Variants in EED observed in about 807,000 individuals in gnomAD.
EED encodes polycomb protein EED.
A neutral mutation model predicts 61.0 loss-of-function variants in EED; 9 were observed. That is an observed-to-expected ratio of 0.15 (90% CI 0.09 to 0.26). The LOEUF (loss-of-function observed/expected upper bound fraction) is 0.26, where lower values mean the gene tolerates loss of function less well. Among genes scored for constraint, EED ranks in the 10% least tolerant of loss-of-function variants. The pLI is 1.00. For synonymous variants in EED, 187 were observed against 174.4 expected (o/e 1.07, Z -0.57); for missense variants, 315 against 542.3 (o/e 0.58, Z 4.16).
chr11:86,282,029 A>G (rs189595180), downstream of EED, among the ~76,000 whole-genome samples: 435 of 152,336 alleles, frequency 2.9e-3, 3 homozygotes, highest in African/African-American at 0.01. Context: ...AGTGAATACT[A>G]TGAACCAAGT....
chr11:86,248,854 A>G (rs1484882541), intron 1 of EED, among the ~76,000 whole-genome samples: 2 of 152,114 alleles, frequency 1.3e-5, no homozygotes, highest in African/African-American at 4.8e-5. Context: ...CTCTGTCTCT[A>G]CCAAAAATTA....
the EED span, among the ~76,000 whole-genome samples, chr11:86,287,066 TATG>T: frequency 2.6e-5 from 4 of 150,954 alleles, no homozygotes; most frequent in African/African-American, 9.7e-5. Flanking sequence ...TACTTACTAA[TATG>T]ATGCATTCTG....
At chr11:86,264,391 CAT>C (rs1308585379) in intron 7 of EED, 128 bp downstream of exon 7, 5 of 590,950 alleles carry the variant, frequency 8.5e-6, no homozygotes, top group Non-Finnish European at 1.5e-5. Context: ...TTACATTTGA[CAT>C]AGAAGATTTT....
intron 2 of EED, among the ~76,000 whole-genome samples, chr11:86,251,899 G>A (rs769534449): frequency 6.6e-6 from 1 of 152,152 alleles, no homozygotes; most frequent in Non-Finnish European, 1.5e-5. Context: ...GTTTTCGTAG[G>A]TAAGCGGTTA....
chr11:86,265,886 C>T (rs112892588), intron 7 of EED, 197 bp from the exon 8 acceptor site: 21 of 392,186 alleles, frequency 5.4e-5, no homozygotes, highest in African/African-American at 1.9e-4. Flanking sequence ...TCTTATATTC[C>T]GATGTTGACA....
At chr11:86,272,773 C>T (rs1946147416) in intron 9 of EED, among the ~76,000 whole-genome samples, 1 of 152,006 alleles carries the variant, frequency 6.6e-6, no homozygotes, top group African/African-American at 2.4e-5. Flanking sequence ...GAGTAAGTTT[C>T]TTGTAGATGA....
chr11:86,252,102 T>A, intron 2 of EED, 46 bp from the exon 3 acceptor site: 1 of 1,504,706 alleles, frequency 6.6e-7, no homozygotes, highest in Non-Finnish European at 9.1e-7. Context: ...CATTTTCTGG[T>A]TTGTAAGATA....
At chr11:86,266,345 A>G in intron 8 of EED, 129 bp downstream of exon 8, 1 of 749,018 alleles carries the variant, frequency 1.3e-6, no homozygotes. Flanking sequence ...TTAAGGGACA[A>G]TTTACATACT....
At chr11:86,264,007 C>G in intron 6 of EED, 165 bp from the exon 7 acceptor site, 2 of 577,584 alleles carry the variant, frequency 3.5e-6, no homozygotes, top group Non-Finnish European at 6.1e-6. Flanking sequence ...CTAGCTAATT[C>G]TACATCTGAT....
At chr11:86,278,158 T>C (rs1946275687) in intron 11 of EED, 167 bp downstream of exon 11, 3 of 1,327,432 alleles carry the variant, frequency 2.3e-6, no homozygotes, top group Non-Finnish European at 2.9e-6. Flanking sequence ...TTTTTGTTTT[T>C]CCTAAGTACC....
chr11:86,252,015 A>G (rs1945544455), intron 2 of EED, 133 bp from the exon 3 acceptor site: 8 of 519,616 alleles, frequency 1.5e-5, no homozygotes, highest in Non-Finnish European at 2.3e-5. Flanking sequence ...TTTTAGTGTC[A>G]AAAGTTAGCT....
chr11:86,286,971 C>CAAAAAAAAAAAAAAAAA, the EED span, among the ~76,000 whole-genome samples: 1 of 68,328 alleles, frequency 1.5e-5, no homozygotes, highest in African/African-American at 4.8e-5. Context: ...GACTCCGTCT[C>CAAAAAAAAAAAAAAAAA]AAAAAAAAAA....
intron 8 of EED, among the ~76,000 whole-genome samples, chr11:86,266,567 G>A (rs1170506027): frequency 6.6e-6 from 1 of 152,072 alleles, no homozygotes; most frequent in Non-Finnish European, 1.5e-5. Context: ...GGACACTTTA[G>A]AATAATGTTA....
At chr11:86,255,594 G>C (rs1448268776) in intron 4 of EED, among the ~76,000 whole-genome samples, 1 of 151,962 alleles carries the variant, frequency 6.6e-6, no homozygotes, top group Non-Finnish European at 1.5e-5. Flanking sequence ...TATTAGCAAA[G>C]ACTGATTAAA....
At chr11:86,249,896 C>T (rs1474769758) in intron 1 of EED, among the ~76,000 whole-genome samples, 1 of 152,180 alleles carries the variant, frequency 6.6e-6, no homozygotes, top group Non-Finnish European at 1.5e-5. Context: ...ATACATCAGT[C>T]AGATTTAAGA....
At chr11:86,245,389 T>G (rs1945367232) in intron 1 of EED, 46 bp downstream of exon 1, 1 of 1,419,780 alleles carries the variant, frequency 7.0e-7, no homozygotes. Context: ...GTGAAAGTTT[T>G]AAATTCTTTT....
At chr11:86,250,608 C>T (rs1297244388) in intron 2 of EED, among the ~76,000 whole-genome samples, 160 bp downstream of exon 2, 1 of 151,260 alleles carries the variant, frequency 6.6e-6, no homozygotes, top group Non-Finnish European at 1.5e-5. Flanking sequence ...GACTGCGTAT[C>T]TATTTTAGTC....
chr11:86,263,753 C>T (rs186508894), intron 6 of EED, among the ~76,000 whole-genome samples: 4 of 152,162 alleles, frequency 2.6e-5, no homozygotes, highest in East Asian at 1.9e-4. Flanking sequence ...AACATGGTGC[C>T]GGCATCTGGT....
At chr11:86,286,971 C>CAAAAAAAAAAAAA in the EED span, among the ~76,000 whole-genome samples, 22 of 68,340 alleles carry the variant, frequency 3.2e-4, no homozygotes, top group African/African-American at 1.1e-3. Flanking sequence ...GACTCCGTCT[C>CAAAAAAAAAAAAA]AAAAAAAAAA....
Sources: allele counts gnomAD v4.1 joint callset (sites outside exome capture counted in the v4.1 genomes callset), GRCh38; gene constraint gnomAD v4.1.1; transcripts MANE v1.5; gene names NCBI Gene and HGNC (gene_info 2026-07-23, HGNC 2026-07-21).